The following SATB1 variants were observed in gnomAD, a reference collection of about 807,000 sequenced individuals.
The protein encoded by SATB1 is DNA-binding protein SATB1.
In SATB1, 11 loss-of-function variants were observed where a neutral mutation model predicts 86.9. The ratio of observed to expected loss-of-function variants is 0.13; its 90% CI spans 0.08 to 0.21. The LOEUF (loss-of-function observed/expected upper bound fraction) is 0.21, where lower values mean the gene tolerates loss of function less well. Among genes scored for constraint, SATB1 ranks in the 10% least tolerant of loss-of-function variants. The pLI, the probability that SATB1 is intolerant of heterozygous loss-of-function variation, is 1.00. For synonymous variants in SATB1, 357 were observed against 357.2 expected (o/e 1.00, Z 0.01); for missense variants, 551 against 937.6 (o/e 0.59, Z 5.39).
At chr3:18,405,485 T>C (rs1159964442) in intron 5 of SATB1, among the ~76,000 whole-genome samples, 2 of 152,024 alleles carry the variant, frequency 1.3e-5, no homozygotes, top group Admixed American at 6.6e-5. Flanking sequence ...GCAATTCATT[T>C]TCCAAAAGTA....
chr3:18,366,016 C>T (rs1443254363), intron 9 of SATB1, among the ~76,000 whole-genome samples: 2 of 152,154 alleles, frequency 1.3e-5, no homozygotes, highest in Admixed American at 1.3e-4. Context: ...ACCTTCACTT[C>T]CTTGACCTTG....
chr3:18,401,000 T>C (rs1439306109), intron 5 of SATB1, among the ~76,000 whole-genome samples: 1 of 152,208 alleles, frequency 6.6e-6, no homozygotes, highest in Non-Finnish European at 1.5e-5. Context: ...TCCTCTGGCT[T>C]GGATGCACGG....
chr3:18,425,946 G>A (rs1466586921), upstream of SATB1, among the ~76,000 whole-genome samples: 2 of 152,090 alleles, frequency 1.3e-5, no homozygotes, highest in Non-Finnish European at 2.9e-5. Context: ...ACAAAAAGGA[G>A]TACGCCTGGA....
chr3:18,433,006 G>GATGA (rs1698938650), intron 2 of SATB1, among the ~76,000 whole-genome samples: 1 of 152,056 alleles, frequency 6.6e-6, no homozygotes, highest in African/African-American at 2.4e-5. Flanking sequence ...CAATTAATAT[G>GATGA]ATGAATACCT....
chr3:18,417,541 A>G lies in SATB1; in HGVS notation c.212-463T>C, dbSNP rs1317190501. 7.6e-5 allele frequency: 47 copies of G among 621,214 alleles called. No homozygotes were observed. The East Asian group carries it at 1.3e-3, about 17-fold the overall frequency. The allele number at this position is 621,214 out of a possible 1,614,324, so 38.5% of individuals were successfully genotyped here. On this transcript the variant is annotated intron_variant, in intron 2 of 10. Transcript: ENST00000338745. ...CTTTTCCTGGGTTTGTGTCCAAACA[A>G]ATTATCTTCGACCACGAAATTTTCA...
At chr3:18,401,049 C>T (rs1280760750) in intron 5 of SATB1, among the ~76,000 whole-genome samples, 1 of 152,196 alleles carries the variant, frequency 6.6e-6, no homozygotes, top group Non-Finnish European at 1.5e-5. Context: ...AGCTGCTCAT[C>T]CTTCAGGATA....
intron 5 of SATB1, among the ~76,000 whole-genome samples, chr3:18,406,361 C>T (rs929198568): frequency 6.6e-6 from 1 of 152,012 alleles, no homozygotes; most frequent in Non-Finnish European, 1.5e-5. Context: ...ACATCAGTAT[C>T]TTTGTCTATA....
intron 5 of SATB1, among the ~76,000 whole-genome samples, chr3:18,397,891 T>C (rs1697047681): frequency 6.6e-6 from 1 of 152,198 alleles, no homozygotes; most frequent in African/African-American, 2.4e-5. Flanking sequence ...TGGACGCGCA[T>C]TAACACTGAT....
At chr3:18,355,063 G>A (rs1163363013) in intron 9 of SATB1, among the ~76,000 whole-genome samples, 1 of 152,060 alleles carries the variant, frequency 6.6e-6, no homozygotes, top group Admixed American at 6.5e-5. Flanking sequence ...TTCAAGAAAT[G>A]CGATGATTTT....
intron 2 of SATB1, chr3:18,417,512 T>TGTTAC: frequency 1.6e-6 from 1 of 606,472 alleles, no homozygotes; most frequent in South Asian, 2.0e-5. Context: ...TTGTTAATAA[T>TGTTAC]AAACTTTTCC....
At chr3:18,404,793 C>G (rs978990710) in intron 5 of SATB1, among the ~76,000 whole-genome samples, 1 of 146,192 alleles carries the variant, frequency 6.8e-6, no homozygotes, top group African/African-American at 2.4e-5. Flanking sequence ...CACACTGAAA[C>G]CTAACTCAAA....
At chr3:18,436,139 AC>A (rs1699052016) in intron 2 of SATB1, among the ~76,000 whole-genome samples, 1 of 152,216 alleles carries the variant, frequency 6.6e-6, no homozygotes, top group South Asian at 2.1e-4. Flanking sequence ...ATATTCATAT[AC>A]AAACACTCCA....
chr3:18,445,314 C>G, intron 1 of SATB1: 1 of 985,548 alleles, frequency 1.0e-6, no homozygotes, highest in Non-Finnish European at 1.2e-6. Flanking sequence ...GCCGCTGCTG[C>G]GCACCGCTCC....
rs1696366677 is a variant in SATB1 at position 18,386,784 on chromosome 3, A to G, written c.1207-173T>C. ...TGGTAGAGAAGAGAGCCTCAATTGT[A>G]TTCTTAATTTTATTAAGCATCTGCT... On this transcript the variant is annotated intron_variant, in intron 7 of 10. Coordinates refer to ENST00000338745, the MANE Select transcript of SATB1 (RefSeq NM_002971.6). This position sits in a 1 kb window ranked among gnomAD's most constrained non-coding sequence, Gnocchi z 4.5. 6.6e-6 allele frequency among the ~76,000 whole-genome samples: 1 copy of G among 152,226 alleles called. No individual in the cohort carries two copies. The highest frequency in any genetic ancestry group is 2.4e-5 in the African/African-American group (1 of 41,452).
At chr3:18,351,950 T>C (rs1277777788) in intron 10 of SATB1, 42 bp downstream of exon 10, 3 of 1,581,574 alleles carry the variant, frequency 1.9e-6, no homozygotes, top group Non-Finnish European at 8.7e-7. Flanking sequence ...TTTAAAGCTT[T>C]ATTTACTTAT....
rs1694107707 is a variant in SATB1, at chr3:18,347,356, A to G, written c.*1814T>C. 1 of 152,176 alleles carries G rather than the reference A, an allele frequency of 6.6e-6. No homozygotes were observed. Among genetic ancestry groups the G allele is most frequent in the Non-Finnish European group, 1.5e-5 (1 of 68,016 alleles). 9.4% of individuals were successfully genotyped at this position (152,176 alleles called of 1,614,324 possible). On this transcript the variant is annotated 3_prime_UTR_variant, in exon 11 of 11. Transcript: ENST00000338745. ...TCATTTTATATTCTGGCATTTTACT[A>G]TGTTTAATGTTGCAAGAATTTTGAA...
At chr3:18,419,717 A>T (rs1698294764) in intron 2 of SATB1, among the ~76,000 whole-genome samples, 1 of 152,200 alleles carries the variant, frequency 6.6e-6, no homozygotes, top group South Asian at 2.1e-4. Flanking sequence ...TTCTTGGCAA[A>T]CAATCAATAA....
intron 1 of SATB1, chr3:18,445,503 A>G (rs1426613065): frequency 2.0e-6 from 2 of 985,138 alleles, no homozygotes; most frequent in East Asian, 2.3e-4. Context: ...TCGCCCGCCA[A>G]CCCTGCCCCC....
At chr3:18,415,814 G>A (rs3892469) in intron 4 of SATB1, among the ~76,000 whole-genome samples, 193 bp downstream of exon 4, 2 of 151,602 alleles carry the variant, frequency 1.3e-5, no homozygotes, top group Admixed American at 6.6e-5. Context: ...TGTGTGTGGG[G>A]GGGGGGATTG....
Sources: gnomAD v4.1 joint callset for allele counts (sites outside exome capture counted in the v4.1 genomes callset) on GRCh38, gnomAD v4.1.1 for gene constraint, Gnocchi (gnomAD v3.1) non-coding constraint, MANE v1.5 for transcripts, NCBI Gene and HGNC (gene_info 2026-07-23, HGNC 2026-07-21) for gene names.